Variants in FAM13C observed in about 807,000 individuals in gnomAD.
FAM13C encodes protein FAM13C.
Under a neutral mutation model 73.2 loss-of-function variants are expected in FAM13C, and 37 were observed. The ratio of observed to expected loss-of-function variants is 0.51; its 90% confidence interval spans 0.39 to 0.67. The LOEUF is 0.67. Ranked by LOEUF, FAM13C falls within the 30% of genes least tolerant of loss-of-function variation. The pLI is 0.00. For missense variants in FAM13C, 589 were observed against 715.6 expected, an observed-to-expected ratio of 0.82 and a Z score of 2.02; for synonymous variants, 246 against 260.9, an observed-to-expected ratio of 0.94 and a Z score of 0.55.
At chr10:59,285,699 A>C (rs1285481798) in intron 5 of FAM13C, among the ~76,000 whole-genome samples, 1 of 152,216 alleles carries the variant, frequency 6.6e-6, no homozygotes, top group Non-Finnish European at 1.5e-5. Context: ...TGGATAAAAT[A>C]GTGTCTCTAC....
intron 4 of FAM13C, among the ~76,000 whole-genome samples, chr10:59,306,769 G>A (rs1020326029): frequency 6.6e-6 from 1 of 152,226 alleles, no homozygotes; most frequent in Non-Finnish European, 1.5e-5. Context: ...CAGCTACTCA[G>A]GAGGCTGAGG....
At chr10:59,299,511 CTT>C (rs58591438) in intron 5 of FAM13C, among the ~76,000 whole-genome samples, 23,280 of 136,944 alleles carry the variant, frequency 0.17, 2,142 homozygotes, top group East Asian at 0.29. Flanking sequence ...CCCAATATGG[CTT>C]TTTTTTTTTT....
intron 1 of FAM13C, among the ~76,000 whole-genome samples, 184 bp downstream of exon 1, chr10:59,362,215 G>A (rs563869295): frequency 6.6e-6 from 1 of 152,218 alleles, no homozygotes; most frequent in South Asian, 2.1e-4. Context: ...TAAAATGCTG[G>A]TTTCAACCTG....
intron 4 of FAM13C, among the ~76,000 whole-genome samples, chr10:59,321,638 AG>A (rs2134009958): frequency 6.6e-6 from 1 of 152,080 alleles, no homozygotes; most frequent in African/African-American, 2.4e-5. Context: ...AAATACATAA[AG>A]GCTCCTTGTG....
At position 59,262,481 on chromosome 10, in the gene FAM13C, A is replaced by G. The variant is rs1842605278; in HGVS notation, c.1189T>C (p.Cys397Arg). Residue 397 changes from cysteine (C) to arginine (R), a missense_variant, in exon 10 of 14, where the codon TGC becomes CGC. Coordinates refer to ENST00000618804, the MANE Select transcript of FAM13C (RefSeq NM_198215.4). ...AGTTGCTCTCTTCTCTCCTTCAGGCATGTCAAGGCAGCATCTGGAGTCTCT... is the reference window on the plus strand; with the variant it reads ...AGTTGCTCTCTTCTCTCCTTCAGGCGTGTCAAGGCAGCATCTGGAGTCTCT... Reference protein sequence around the residue: ...GEETPDAALTCLKERREQLPP... With the variant: ...GEETPDAALTRLKERREQLPP... The G allele has an allele frequency of 2.5e-6, 4 of 1,613,700 alleles. No individual in the cohort carries two copies. The highest frequency in any genetic ancestry group is 3.4e-6 in the Non-Finnish European group (4 of 1,179,744).
Position 59,268,603 on chromosome 10 carries a change from G to A in FAM13C, c.892C>T (p.Arg298Trp), listed in dbSNP as rs749128192. ...TTTTCTTCAAATTTCCGAATTTTCCGCTTGAGGCTCTGGATGTGCTTGGTG... is the reference window on the plus strand; with the variant it reads ...TTTTCTTCAAATTTCCGAATTTTCCACTTGAGGCTCTGGATGTGCTTGGTG... ...QLTKHIQSLK[R>W]KIRKFEEKFE... is the part of the protein sequence containing the mutation. The change falls in exon 8 of 14, where the codon CGG becomes TGG. Residue 298 changes from arginine (R) to tryptophan (W), a missense_variant. Transcript: ENST00000618804. 1.1e-5 allele frequency: 17 copies of A among 1,613,552 alleles called. No homozygotes were observed. Among genetic ancestry groups the A allele is most frequent in the South Asian group, 7.7e-5 (7 of 91,062 alleles).
chr10:59,350,221 G>A (rs1854848249), intron 3 of FAM13C, among the ~76,000 whole-genome samples: 1 of 152,166 alleles, frequency 6.6e-6, no homozygotes, highest in Non-Finnish European at 1.5e-5. Flanking sequence ...TGTATTATGA[G>A]CAAAGACTAT....
chr10:59,270,909 C>G (rs1016380495), intron 6 of FAM13C, among the ~76,000 whole-genome samples: 1 of 152,174 alleles, frequency 6.6e-6, no homozygotes, highest in Non-Finnish European at 1.5e-5. Flanking sequence ...ATCTCTGTCC[C>G]TGAATTCTCA....
chr10:59,331,980 G>A (rs768391200), intron 3 of FAM13C, among the ~76,000 whole-genome samples: 1 of 152,022 alleles, frequency 6.6e-6, no homozygotes, highest in Admixed American at 6.6e-5. Flanking sequence ...AAATAGAGGA[G>A]CTGGAATCTT....
intron 3 of FAM13C, among the ~76,000 whole-genome samples, chr10:59,339,859 A>G (rs1853268492): frequency 6.6e-6 from 1 of 152,160 alleles, no homozygotes; most frequent in Non-Finnish European, 1.5e-5. Context: ...TGACTGATTA[A>G]AATCATCCAT....
At position 59,324,123 on chromosome 10, in the gene FAM13C, C is replaced by A. The variant is rs773953066; in HGVS notation, c.325-17G>T. 11 of 1,597,972 alleles carry A rather than the reference C, an allele frequency of 6.9e-6. No individual in the cohort carries two copies. The African/African-American group carries it at 1.5e-4, about 21-fold the overall frequency. ...CTCTGTCTCCTGCAAGAAGAAAGAG[C>A]AAAAGTAGATGAGCTGTCAACAGCA... On this transcript the variant is annotated splice_polypyrimidine_tract_variant and intron_variant, in intron 3 of 13. Coordinates refer to ENST00000618804, the MANE Select transcript of FAM13C (RefSeq NM_198215.4).
At chr10:59,345,706 T>C (rs981102766) in intron 3 of FAM13C, among the ~76,000 whole-genome samples, 1 of 152,170 alleles carries the variant, frequency 6.6e-6, no homozygotes, top group Non-Finnish European at 1.5e-5. Flanking sequence ...CTCAGAGCCC[T>C]GTCCCCCGAA....
intron 13 of FAM13C, among the ~76,000 whole-genome samples, chr10:59,248,234 C>T (rs1840915756): frequency 6.6e-6 from 1 of 152,076 alleles, no homozygotes; most frequent in East Asian, 1.9e-4. Flanking sequence ...AAACTTGAAA[C>T]GTTTCCAGAT....
At chr10:59,352,143 G>A in intron 3 of FAM13C, 127 bp downstream of exon 3, 1 of 1,025,012 alleles carries the variant, frequency 9.8e-7, no homozygotes, top group Non-Finnish European at 1.4e-6. Context: ...GGTCGGCAGA[G>A]CACGCAATGA....
intron 3 of FAM13C, among the ~76,000 whole-genome samples, chr10:59,331,590 G>T (rs940455773): frequency 4.6e-5 from 7 of 152,144 alleles, no homozygotes; most frequent in African/African-American, 1.7e-4. Context: ...GGCATGTTCA[G>T]ATTTGCACTG....
chr10:59,260,547 T>G (rs1238028705), intron 10 of FAM13C, among the ~76,000 whole-genome samples: 1 of 152,198 alleles, frequency 6.6e-6, no homozygotes, highest in Non-Finnish European at 1.5e-5. Context: ...CTCTTGGCCT[T>G]CCTAATCCCT....
chr10:59,262,557 T>C lies in FAM13C; in HGVS notation c.1113A>G (p.Arg371=). The change falls in exon 10 of 14, where the codon AGA becomes AGG. Residue 371 remains arginine, a synonymous_variant. Transcript: ENST00000618804. The stretch of plus-strand genomic sequence containing the variant: ...CCGCAGCTTCCGGTTTCCCATTTTC[T>C]CTGGGGACTGTGGGTTGCTCACACA... ...NLLCEQPTVP[R]ENGKPEAAGP... 2 of 1,613,810 alleles carry C rather than the reference T, an allele frequency of 1.2e-6. No individual in the cohort carries two copies. The highest frequency in any genetic ancestry group is 1.7e-6 in the Non-Finnish European group (2 of 1,179,786).
chr10:59,349,048 C>T (rs1854688078), intron 3 of FAM13C, among the ~76,000 whole-genome samples: 1 of 152,198 alleles, frequency 6.6e-6, no homozygotes, highest in Non-Finnish European at 1.5e-5. Flanking sequence ...TCGGCTTACT[C>T]ATTATCCTTC....
At chr10:59,275,879 G>A (rs1844271840) in intron 6 of FAM13C, among the ~76,000 whole-genome samples, 1 of 152,198 alleles carries the variant, frequency 6.6e-6, no homozygotes, top group Non-Finnish European at 1.5e-5. Flanking sequence ...AGTTTGGGCT[G>A]TAGGACTGAT....
Sources: allele counts gnomAD v4.1 joint callset (sites outside exome capture counted in the v4.1 genomes callset), GRCh38; gene constraint gnomAD v4.1.1; transcripts MANE v1.5; gene names NCBI Gene and HGNC (gene_info 2026-07-23, HGNC 2026-07-21).